The following KLHL20 variants were observed in gnomAD, a reference collection of about 807,000 sequenced individuals.
KLHL20 encodes kelch-like protein 20.
KLHL20 carries 29 observed loss-of-function variants against 69.5 expected under a neutral mutation model. That is an observed-to-expected ratio of 0.42 (90% CI 0.31 to 0.57). KLHL20 has a LOEUF of 0.57. KLHL20 is among the 20% of genes least tolerant of loss of function. The pLI is 0.18. For synonymous variants in KLHL20, 253 were observed against 265.2 expected (o/e 0.95, Z 0.45); for missense variants, 419 against 776.0 (o/e 0.54, Z 5.47).
At chr1:173,728,050 A>G (rs1289687909) in intron 2 of KLHL20, among the ~76,000 whole-genome samples, 8 of 152,220 alleles carry the variant, frequency 5.3e-5, no homozygotes, top group African/African-American at 1.9e-4. Flanking sequence ...AAAGGGATGG[A>G]GGAAGATCTA....
At chr1:173,726,900 A>T (rs1454145535) in intron 2 of KLHL20, among the ~76,000 whole-genome samples, 1 of 152,236 alleles carries the variant, frequency 6.6e-6, no homozygotes, top group Non-Finnish European at 1.5e-5. Flanking sequence ...TGGACGGAGA[A>T]TGACTTTGAC....
intron 3 of KLHL20, among the ~76,000 whole-genome samples, chr1:173,747,165 A>G (rs1254623842): frequency 6.6e-6 from 1 of 151,830 alleles, no homozygotes; most frequent in Non-Finnish European, 1.5e-5. Context: ...TGTATTTTCT[A>G]GTTTCTGTTC....
chr1:173,742,341 G>A (rs907583141), intron 3 of KLHL20, among the ~76,000 whole-genome samples: 5 of 152,102 alleles, frequency 3.3e-5, no homozygotes, highest in African/African-American at 1.2e-4. Context: ...ACACTATTTT[G>A]ACTCAGCTTC....
At chr1:173,717,073 A>G (rs1571839274) in intron 2 of KLHL20, among the ~76,000 whole-genome samples, 1 of 152,198 alleles carries the variant, frequency 6.6e-6, no homozygotes, top group Non-Finnish European at 1.5e-5. Context: ...TTTACTCTGT[A>G]GTAGGAATAA....
chr1:173,781,108 G>A (rs1038191124), intron 10 of KLHL20, among the ~76,000 whole-genome samples: 3 of 152,014 alleles, frequency 2.0e-5, no homozygotes, highest in Non-Finnish European at 4.4e-5. Context: ...CAAAAGTGTG[G>A]AGGTGTGAAA....
At chr1:173,768,315 T>G (rs1446928076) in intron 8 of KLHL20, among the ~76,000 whole-genome samples, 3 of 152,178 alleles carry the variant, frequency 2.0e-5, no homozygotes, top group African/African-American at 7.2e-5. Flanking sequence ...CGTCATTAGA[T>G]TTTAGAGTCT....
chr1:173,726,692 A>C (rs1385777638), intron 2 of KLHL20, among the ~76,000 whole-genome samples: 1 of 152,214 alleles, frequency 6.6e-6, no homozygotes, highest in Admixed American at 6.5e-5. Context: ...GAGGGTCCTG[A>C]GTGTTAGAAG....
At chr1:173,770,234 A>C (rs913774063) in intron 8 of KLHL20, among the ~76,000 whole-genome samples, 2 of 152,228 alleles carry the variant, frequency 1.3e-5, no homozygotes, top group Non-Finnish European at 2.9e-5. Flanking sequence ...AACAGATATG[A>C]AACTACATAA....
intron 3 of KLHL20, among the ~76,000 whole-genome samples, chr1:173,745,828 C>G (rs1673033986): frequency 6.6e-6 from 1 of 152,064 alleles, no homozygotes; most frequent in Admixed American, 6.6e-5. Flanking sequence ...AAGTAATATA[C>G]TGGCTTTAGG....
intron 7 of KLHL20, among the ~76,000 whole-genome samples, chr1:173,757,841 G>A (rs754572528): frequency 6.6e-6 from 1 of 152,018 alleles, no homozygotes; most frequent in African/African-American, 2.4e-5. Flanking sequence ...TGTACTATAC[G>A]TGTTGAAATG....
At position 173,752,173 on chromosome 1, in the gene KLHL20, T is replaced by C. The variant is rs527556209; in HGVS notation, c.756+251T>C. On this transcript the variant is annotated intron_variant, in intron 4 of 11. Coordinates refer to ENST00000209884, the MANE Select transcript of KLHL20 (RefSeq NM_014458.4). ...ATCACTTGAAACCAGGAGGCGAAGA[T>C]TGCAGTGAGCCGAGATCGTGCCACT... Among the ~76,000 whole-genome samples the C allele has an allele frequency of 1.3e-3, 193 of 151,298 alleles. 1 individual carries two copies. Among genetic ancestry groups the C allele is most frequent in the African/African-American group, 4.5e-3 (184 of 41,230 alleles).
At chr1:173,770,114 AAGC>A (rs1647992527) in intron 8 of KLHL20, among the ~76,000 whole-genome samples, 1 of 152,298 alleles carries the variant, frequency 6.6e-6, no homozygotes, top group East Asian at 1.9e-4. Context: ...AAGAGAGAAT[AAGC>A]AGCAGAATAA....
Position 173,774,396 on chromosome 1 carries a change from T to C in KLHL20, c.1387T>C (p.Tyr463His). 1.9e-6 allele frequency: 3 copies of C among 1,614,118 alleles called. No homozygotes were observed. The highest frequency in any genetic ancestry group is 2.5e-6 in the Non-Finnish European group (3 of 1,180,008). Residue 463 changes from tyrosine (Y) to histidine (H), a missense_variant, in exon 9 of 12, where the codon TAT becomes CAT. Tyr to His is a moderately conservative substitution (Grantham distance 83, BLOSUM62 2). Transcript: ENST00000209884. Reference protein sequence around the residue: ...VAVAVLGGFLYAVGGSDGTSP... With the variant: ...VAVAVLGGFLHAVGGSDGTSP... ...TGTGGCTGTGTTAGGAGGGTTCTTA[T>C]ATGCTGTAGGTGGCTCTGACGGGAC... is the stretch of plus-strand genomic sequence containing the variant.
chr1:173,774,295 C>G lies in KLHL20; in HGVS notation c.1296-10C>G, dbSNP rs1226159452. On this transcript the variant is annotated splice_polypyrimidine_tract_variant and intron_variant, in intron 8 of 11. Coordinates refer to ENST00000209884, the MANE Select transcript of KLHL20 (RefSeq NM_014458.4). ...AGAACAAGCATACAGTCTGGTTTCC[C>G]TCACTGCAGGTATGATCCGAAGGAG... 1 of 1,614,092 alleles carries G rather than the reference C, an allele frequency of 6.2e-7. No homozygotes were observed.
At chr1:173,783,295 T>TTCTGGGAAATTTTTCTTATG in intron 11 of KLHL20, among the ~76,000 whole-genome samples, 1 of 152,244 alleles carries the variant, frequency 6.6e-6, no homozygotes, top group East Asian at 1.9e-4. Flanking sequence ...GCAGCAGACA[T>TTCTGGGAAATTTTTCTTATG]TCTGGGAAAT....
At chr1:173,726,529 C>T (rs778442236) in intron 2 of KLHL20, among the ~76,000 whole-genome samples, 38 of 152,226 alleles carry the variant, frequency 2.5e-4, no homozygotes, top group Middle Eastern at 3.4e-3. Context: ...CTCCAACGGA[C>T]GGGTACTCCT....
chr1:173,722,266 A>C (rs978060180), intron 2 of KLHL20, among the ~76,000 whole-genome samples: 2 of 152,018 alleles, frequency 1.3e-5, no homozygotes, highest in Non-Finnish European at 2.9e-5. Flanking sequence ...TTACATTCTT[A>C]AATGGTTGAG....
At chr1:173,730,543 C>T (rs1351659275) in intron 2 of KLHL20, among the ~76,000 whole-genome samples, 5 of 150,886 alleles carry the variant, frequency 3.3e-5, no homozygotes, top group Admixed American at 1.3e-4. Context: ...TGGAACAGAA[C>T]AGAGCCCTCA....
chr1:173,773,459 A>T (rs893876470), intron 8 of KLHL20, among the ~76,000 whole-genome samples: 2 of 150,370 alleles, frequency 1.3e-5, no homozygotes, highest in African/African-American at 4.9e-5. Context: ...ATTAATTAAA[A>T]TTTTTTTAAA....
Sources: allele counts gnomAD v4.1 joint callset (sites outside exome capture counted in the v4.1 genomes callset), GRCh38; gene constraint gnomAD v4.1.1; transcripts MANE v1.5; gene names NCBI Gene and HGNC (gene_info 2026-07-23, HGNC 2026-07-21).